Variants in SHTN1 observed in about 807,000 individuals in gnomAD.
SHTN1 encodes shootin-1.
Under a neutral mutation model 83.1 loss-of-function variants are expected in SHTN1, and 42 were observed. That is an observed-to-expected ratio of 0.51 (90% CI 0.39 to 0.65). SHTN1 has a LOEUF of 0.65. Ranked by LOEUF, SHTN1 falls within the 30% of genes least tolerant of loss-of-function variation. The pLI is 0.00. For missense variants in SHTN1, 622 were observed against 737.8 expected (o/e 0.84, Z 1.82); for synonymous variants, 224 against 247.7 (o/e 0.90, Z 0.90).
At chr10:116,936,702 T>C (rs1473909163) in intron 9 of SHTN1, among the ~76,000 whole-genome samples, 1 of 152,158 alleles carries the variant, frequency 6.6e-6, no homozygotes, top group Admixed American at 6.5e-5. Flanking sequence ...CAGGGCTGAG[T>C]TCAAGTCCTG....
chr10:117,022,656 C>T (rs879715210), intron 2 of SHTN1, among the ~76,000 whole-genome samples: 7 of 152,172 alleles, frequency 4.6e-5, no homozygotes, highest in African/African-American at 9.7e-5. Context: ...CACAGTGGCT[C>T]ATGCCTATAA....
upstream of SHTN1, among the ~76,000 whole-genome samples, chr10:117,010,080 TGAA>T (rs1445607792): frequency 6.6e-6 from 1 of 151,434 alleles, no homozygotes; most frequent in Non-Finnish European, 1.5e-5. Flanking sequence ...AATAAAATAA[TGAA>T]GATTAGAGTG....
intron 2 of SHTN1, among the ~76,000 whole-genome samples, chr10:117,046,541 T>C (rs1215744368): frequency 6.6e-6 from 1 of 152,120 alleles, no homozygotes; most frequent in Non-Finnish European, 1.5e-5. Flanking sequence ...CTAAGAAAAC[T>C]GAAAACATAT....
At chr10:116,901,298 GT>G in intron 16 of SHTN1, 1 of 985,280 alleles carries the variant, frequency 1.0e-6, no homozygotes, top group Non-Finnish European at 1.2e-6. Flanking sequence ...TACATAGTAT[GT>G]TTTCATTTTC....
rs1342998808 is a variant in SHTN1, at chr10:117,005,088, G to A, written c.-9C>T. The A allele has an allele frequency of 1.3e-6, 2 of 1,590,932 alleles. No individual in the cohort carries two copies. Among genetic ancestry groups the A allele is most frequent in the Non-Finnish European group, 1.7e-6 (2 of 1,168,676 alleles). On this transcript the variant is annotated 5_prime_UTR_variant, in exon 1 of 17. Coordinates refer to ENST00000355371, the MANE Select transcript of SHTN1 (RefSeq NM_001127211.3). ...TCGTCCGAGCTGTTCATTTTGGCGGGTGGGGCCGGGAATAAAAGGGAAAGA... is the reference window on the plus strand; with the variant it reads ...TCGTCCGAGCTGTTCATTTTGGCGGATGGGGCCGGGAATAAAAGGGAAAGA...
chr10:116,932,686 C>A (rs573919697), intron 9 of SHTN1, among the ~76,000 whole-genome samples: 27 of 152,276 alleles, frequency 1.8e-4, no homozygotes, highest in South Asian at 4.1e-4. Flanking sequence ...ACAATATTTT[C>A]AACTAACGTG....
intron 2 of SHTN1, among the ~76,000 whole-genome samples, chr10:117,026,733 A>G (rs1009678354): frequency 1.3e-5 from 2 of 152,190 alleles, no homozygotes; most frequent in African/African-American, 4.8e-5. Context: ...AATTCCAGAT[A>G]GACTTCTAAG....
chr10:117,125,224 A>G (rs1376454057), intron 1 of SHTN1, among the ~76,000 whole-genome samples: 1 of 152,210 alleles, frequency 6.6e-6, no homozygotes, highest in Non-Finnish European at 1.5e-5. Flanking sequence ...AATTCAACTT[A>G]GCACTAGAGT....
intron 1 of SHTN1, among the ~76,000 whole-genome samples, chr10:116,991,438 T>C (rs947719888): frequency 4.0e-4 from 61 of 152,248 alleles, no homozygotes; most frequent in African/African-American, 1.4e-3. Flanking sequence ...TTCAGGCTGC[T>C]TCCACCCCTG....
chr10:116,966,095 C>T (rs1850384018), intron 3 of SHTN1, among the ~76,000 whole-genome samples: 1 of 152,140 alleles, frequency 6.6e-6, no homozygotes, highest in South Asian at 2.1e-4. Flanking sequence ...CAACCTCCGC[C>T]TCCCTGGTTC....
intron 2 of SHTN1, among the ~76,000 whole-genome samples, chr10:117,042,461 G>A (rs1002205244): frequency 1.3e-5 from 2 of 152,024 alleles, no homozygotes; most frequent in African/African-American, 4.8e-5. Flanking sequence ...AGTTACATTT[G>A]ATAACCATTG....
intron 14 of SHTN1, among the ~76,000 whole-genome samples, chr10:116,907,017 A>G (rs1363675637): frequency 6.6e-6 from 1 of 152,216 alleles, no homozygotes; most frequent in Non-Finnish European, 1.5e-5. Flanking sequence ...TGACTATATG[A>G]AATTCATCAG....
chr10:116,968,926 C>A (rs1469362450), intron 2 of SHTN1, among the ~76,000 whole-genome samples: 1 of 152,224 alleles, frequency 6.6e-6, no homozygotes, highest in African/African-American at 2.4e-5. Flanking sequence ...CTCAGACCTT[C>A]TAAGATATAA....
At chr10:116,945,569 A>C (rs1388698366) in intron 7 of SHTN1, among the ~76,000 whole-genome samples, 1 of 152,172 alleles carries the variant, frequency 6.6e-6, no homozygotes, top group Non-Finnish European at 1.5e-5. Context: ...GCCAATAAAC[A>C]TGTGGAAAGA....
At chr10:117,041,133 T>C (rs1229937076) in intron 2 of SHTN1, among the ~76,000 whole-genome samples, 1 of 134,934 alleles carries the variant, frequency 7.4e-6, no homozygotes, top group South Asian at 2.3e-4. Flanking sequence ...GTGTTTAAAA[T>C]GTTTTGTGTT....
At chr10:117,005,396 G>A (rs1851984122), upstream of SHTN1, 4 of 1,184,546 alleles carry the variant, frequency 3.4e-6, no homozygotes, top group South Asian at 8.6e-5. Flanking sequence ...ACGCGCTGGT[G>A]GGAGGGGGGG....
intron 1 of SHTN1, among the ~76,000 whole-genome samples, chr10:117,100,545 G>C (rs1853575084): frequency 6.6e-6 from 1 of 152,070 alleles, no homozygotes; most frequent in Non-Finnish European, 1.5e-5. Context: ...TAAGTTTCAA[G>C]TGTCATATTG....
chr10:116,955,486 AC>A (rs1462690466), intron 4 of SHTN1, among the ~76,000 whole-genome samples: 1 of 152,186 alleles, frequency 6.6e-6, no homozygotes, highest in East Asian at 1.9e-4. Flanking sequence ...GATATTGGAA[AC>A]AAATGAACAT....
chr10:116,891,020 T>C lies in SHTN1; in HGVS notation c.1674-4454A>G, dbSNP rs1035264105. ...TTCGGCTGCAATTCAAATTAACTAA[T>C]GCCCAAAAGAGCCCTAATAGACGTG... On this transcript the variant is annotated intron_variant, in intron 16 of 16. Coordinates refer to ENST00000355371, the MANE Select transcript of SHTN1 (RefSeq NM_001127211.3). Among the ~76,000 whole-genome samples, 7 of 152,234 alleles carry C rather than the reference T, an allele frequency of 4.6e-5. No individual in the cohort carries two copies. In the East Asian group the frequency reaches 1.3e-3, roughly 29 times the overall value.
Sources: allele counts gnomAD v4.1 joint callset (sites outside exome capture counted in the v4.1 genomes callset), GRCh38; gene constraint gnomAD v4.1.1; transcripts MANE v1.5; gene names NCBI Gene and HGNC (gene_info 2026-07-23, HGNC 2026-07-21).